Variants in CEACAM3 observed in about 807,000 individuals in gnomAD.
The protein encoded by CEACAM3 is CEA cell adhesion molecule 3, also known as cell adhesion molecule CEACAM3.
In CEACAM3, 32 loss-of-function variants were observed where a neutral mutation model predicts 30.1. That is an observed-to-expected ratio of 1.06 (90% CI 0.80 to 1.43). The LOEUF is 1.43. Among genes scored for constraint, CEACAM3 ranks in the 40% most tolerant of loss-of-function variants. The pLI, the probability that CEACAM3 is intolerant of heterozygous loss-of-function variation, is 0.00. For missense variants in CEACAM3, 290 were observed against 316.3 expected, an observed-to-expected ratio of 0.92 and a Z score of 0.63; for synonymous variants, 134 against 127.2, an observed-to-expected ratio of 1.05 and a Z score of -0.36.
intron 3 of CEACAM3, chr19:41,809,525 A>C: frequency 5.9e-6 from 1 of 170,256 alleles, no homozygotes; most frequent in Admixed American, 6.0e-5. Flanking sequence ...GTCCCATTTC[A>C]GCATCACCAG....
intron 2 of CEACAM3, among the ~76,000 whole-genome samples, chr19:41,801,518 A>G (rs1283994845): frequency 6.6e-6 from 1 of 152,254 alleles, no homozygotes; most frequent in Non-Finnish European, 1.5e-5. Context: ...GTCAAGAAAG[A>G]GTTTAATTAA....
chr19:41,799,804 C>T (rs148350406), intron 2 of CEACAM3, among the ~76,000 whole-genome samples: 17 of 152,240 alleles, frequency 1.1e-4, no homozygotes, highest in African/African-American at 3.9e-4. Context: ...CTTCAGAGAC[C>T]GGATCTTGGA....
intron 2 of CEACAM3, among the ~76,000 whole-genome samples, chr19:41,806,583 C>T (rs548277130): frequency 4.6e-5 from 7 of 152,320 alleles, no homozygotes; most frequent in Admixed American, 3.3e-4. Context: ...TCTTCTTTCA[C>T]AGGCAGGCAG....
In CEACAM3 at chr19:41,811,541, G is replaced by T; in HGVS notation, c.*304G>T. 1 of 361,750 alleles carries T rather than the reference G, an allele frequency of 2.8e-6. No homozygotes were observed. Among genetic ancestry groups the T allele is most frequent in the South Asian group, 6.0e-5 (1 of 16,600 alleles). 22.4% of individuals were successfully genotyped at this position (361,750 alleles called of 1,614,324 possible). A position where few individuals can be genotyped will look rare whatever the true frequency, so the allele number is the denominator to read the frequency against. On this transcript the variant is annotated 3_prime_UTR_variant, in exon 7 of 7. Coordinates refer to ENST00000357396, the MANE Select transcript of CEACAM3 (RefSeq NM_001815.5). The stretch of plus-strand genomic sequence containing the variant: ...ACTTGGAAAGGATCTGAATAAAGGG[G>T]ACCCTTCCTCTCATTAGCTGTTTTT...
intron 2 of CEACAM3, among the ~76,000 whole-genome samples, chr19:41,803,962 T>C (rs1414615752): frequency 9.9e-5 from 15 of 151,746 alleles, no homozygotes; most frequent in African/African-American, 3.6e-4. Flanking sequence ...ATGCCTATAA[T>C]CCCAGCTACT....
intron 4 of CEACAM3, 128 bp downstream of exon 4, chr19:41,810,145 C>T: frequency 7.7e-7 from 1 of 1,298,176 alleles, no homozygotes; most frequent in Non-Finnish European, 1.1e-6. Flanking sequence ...TCTCATAAAA[C>T]ATCACACAGG....
At chr19:41,810,922 G>A in intron 6 of CEACAM3, 25 bp downstream of exon 6, 1 of 1,603,768 alleles carries the variant, frequency 6.2e-7, no homozygotes, top group East Asian at 2.2e-5. Context: ...CGGATGTTCT[G>A]GTCCCACAGG....
At chr19:41,807,414 A>G in intron 2 of CEACAM3, 1 of 950,364 alleles carries the variant, frequency 1.1e-6, no homozygotes. Context: ...TCTGTGGCCC[A>G]GGCTTCCAGC....
chr19:41,808,485 T>C (rs1431431208), intron 2 of CEACAM3, among the ~76,000 whole-genome samples: 1 of 152,164 alleles, frequency 6.6e-6, no homozygotes, highest in Non-Finnish European at 1.5e-5. Flanking sequence ...GGGCCTGCCC[T>C]TTGTGAGTGT....
intron 2 of CEACAM3, chr19:41,807,702 G>C: frequency 2.0e-6 from 2 of 980,600 alleles, no homozygotes; most frequent in African/African-American, 3.4e-5. Flanking sequence ...GGGACACTGT[G>C]GCTCTTCCAC....
intron 2 of CEACAM3, among the ~76,000 whole-genome samples, chr19:41,805,285 C>CTTT (rs782317671): frequency 3.4e-4 from 36 of 105,000 alleles, no homozygotes; most frequent in African/African-American, 5.4e-4. Context: ...CTTTTTTCTT[C>CTTT]TTTTTTTTTT....
At chr19:41,797,371 G>A in intron 1 of CEACAM3, 1 of 576,786 alleles carries the variant, frequency 1.7e-6, no homozygotes, top group South Asian at 2.3e-5. Context: ...CAGTGGGGAG[G>A]GAGCCATGCA....
At chr19:41,809,714 G>T in intron 3 of CEACAM3, 1 of 421,374 alleles carries the variant, frequency 2.4e-6, no homozygotes, top group Non-Finnish European at 4.3e-6. Flanking sequence ...CCCTTTCCTG[G>T]GTCCCTGGGT....
intron 3 of CEACAM3, 103 bp from the exon 4 acceptor site, chr19:41,809,862 A>C: frequency 8.7e-7 from 1 of 1,152,208 alleles, no homozygotes; most frequent in Non-Finnish European, 1.3e-6. Flanking sequence ...GGAGGTCTCC[A>C]TGCCCATCCT....
rs782193219 is a variant in CEACAM3 at position 41,811,252 on chromosome 19, T to TCCA, written c.*15_*16insCCA. ...TGGCTTCTTAGCTTCCTCCAGGAGC[T>TCCA]GCTCCTGTGTGTTGATGGAGAGTCC... On this transcript the variant is annotated 3_prime_UTR_variant, in exon 7 of 7. Coordinates refer to ENST00000357396, the MANE Select transcript of CEACAM3 (RefSeq NM_001815.5). 4 of 1,611,680 alleles carry TCCA rather than the reference T, an allele frequency of 2.5e-6. No individual in the cohort carries two copies. In the South Asian group the frequency reaches 4.4e-5, roughly 18 times the overall value.
chr19:41,808,894 C>T lies in CEACAM3; in HGVS notation c.506C>T (p.Ala169Val), dbSNP rs782766786. The change falls in exon 3 of 7, where the codon GCG (alanine) becomes GTG (valine). Residue 169 changes from alanine to valine, a missense_variant. Ala to Val is a moderately conservative substitution (Grantham distance 64). Coordinates refer to ENST00000357396, the MANE Select transcript of CEACAM3 (RefSeq NM_001815.5). ...GVLVGVALVA[A>V]LVCFLLLAKT... ...CTGGTCGGAGTGGCGCTGGTGGCCGCGCTGGTGTGTTTCCTGCTCCTTGCC... is the reference window on the plus strand; with the variant it reads ...CTGGTCGGAGTGGCGCTGGTGGCCGTGCTGGTGTGTTTCCTGCTCCTTGCC... The T allele has an allele frequency of 1.1e-5, 18 of 1,606,858 alleles. No individual in the cohort carries two copies. The highest frequency in any genetic ancestry group is 1.4e-5 in the Non-Finnish European group (17 of 1,176,642).
intron 2 of CEACAM3, chr19:41,807,316 A>C (rs2073211244): frequency 6.2e-7 from 1 of 1,607,946 alleles, no homozygotes; most frequent in African/African-American, 1.3e-5. Context: ...GGAATGACAC[A>C]GGACCCTATG....
Position 41,811,189 on chromosome 19 carries a change from C to T in CEACAM3, c.711C>T (p.Asp237=). Residue 237 remains aspartate (D), a synonymous_variant, in exon 7 of 7, where the codon GAC becomes GAT. Coordinates refer to ENST00000357396, the MANE Select transcript of CEACAM3 (RefSeq NM_001815.5). ...TTTAACAGGAATTGCTAAAACATGACACAAACATTTACTGCCGGATGGACC... is the reference window on the plus strand; with the variant it reads ...TTTAACAGGAATTGCTAAAACATGATACAAACATTTACTGCCGGATGGACC... ...ASIYEELLKH[D]TNIYCRMDHK... 6.2e-7 allele frequency: 1 copy of T among 1,614,086 alleles called. No homozygotes were observed. The highest frequency in any genetic ancestry group is 1.1e-5 in the South Asian group (1 of 91,084).
intron 2 of CEACAM3, among the ~76,000 whole-genome samples, chr19:41,804,037 C>G (rs10426049): frequency 0.5 from 74,933 of 150,692 alleles, 21,198 homozygotes; most frequent in Middle Eastern, 0.73. Flanking sequence ...GCCAAGATAG[C>G]GCGATTTCAC....
Sources: allele counts gnomAD v4.1 joint callset (sites outside exome capture counted in the v4.1 genomes callset), GRCh38; gene constraint gnomAD v4.1.1; transcripts MANE v1.5; gene names NCBI Gene and HGNC (gene_info 2026-07-23, HGNC 2026-07-21).